The following ZFP91 variants were observed in gnomAD, a reference collection of about 807,000 sequenced individuals.
The protein encoded by ZFP91 is ZFP91 zinc finger protein, atypical E3 ubiquitin ligase, also known as E3 ubiquitin-protein ligase ZFP91.
In ZFP91, 7 loss-of-function variants were observed where a neutral mutation model predicts 63.5. The ratio of observed to expected loss-of-function variants is 0.11; its 90% CI spans 0.06 to 0.21. The LOEUF (loss-of-function observed/expected upper bound fraction) is 0.21. Among genes scored for constraint, ZFP91 ranks in the 10% least tolerant of loss-of-function variants. ZFP91 has a pLI of 1.00. For missense variants in ZFP91, 628 were observed against 736.6 expected (o/e 0.85, Z 1.71); for synonymous variants, 330 against 272.1 (o/e 1.21, Z -2.10).
At chr11:58,579,740 C>T in intron 1 of ZFP91, 118 bp downstream of exon 1, 3 of 986,484 alleles carry the variant, frequency 3.0e-6, no homozygotes, top group African/African-American at 1.7e-5. Flanking sequence ...CTGCCGGCTC[C>T]GCACGCCAGA....
At chr11:58,601,856 CAG>C (rs1855495533) in intron 2 of ZFP91, among the ~76,000 whole-genome samples, 1 of 152,106 alleles carries the variant, frequency 6.6e-6, no homozygotes, top group South Asian at 2.1e-4. Flanking sequence ...CAATTGTGGT[CAG>C]AGAGAACGTA....
chr11:58,614,220 C>A lies in ZFP91; in HGVS notation c.988-9C>A. On this transcript the variant is annotated splice_polypyrimidine_tract_variant and intron_variant, in intron 8 of 10. Coordinates refer to ENST00000316059, the MANE Select transcript of ZFP91 (RefSeq NM_053023.5). Reference sequence around the variant, plus strand: ...TTTTTTTTCGCCCCTTTCACTTTCTCTGTTTTAGCACCACATTAAATACCA... The same window carrying A: ...TTTTTTTTCGCCCCTTTCACTTTCTATGTTTTAGCACCACATTAAATACCA... 6.6e-7 allele frequency: 1 copy of A among 1,525,320 alleles called. No individual in the cohort carries two copies. The highest frequency in any genetic ancestry group is 8.8e-7 in the Non-Finnish European group (1 of 1,130,622). 94.5% of individuals were successfully genotyped at this position (1,525,320 alleles called of 1,614,324 possible). A position where few individuals can be genotyped will look rare whatever the true frequency, so the allele number is the denominator to read the frequency against.
intron 2 of ZFP91, among the ~76,000 whole-genome samples, chr11:58,585,162 A>T (rs972476468): frequency 5.3e-5 from 8 of 152,190 alleles, no homozygotes; most frequent in Non-Finnish European, 1.2e-4. Flanking sequence ...GACTGGAATG[A>T]TACACAGTAT....
chr11:58,579,465 G>A lies in ZFP91; in HGVS notation c.184G>A (p.Ala62Thr), dbSNP rs1855048801. 6.9e-7 allele frequency: 1 copy of A among 1,451,074 alleles called. No homozygotes were observed. The highest frequency in any genetic ancestry group is 9.0e-7 in the Non-Finnish European group (1 of 1,108,332). The allele number at this position is 1,451,074 out of a possible 1,614,324, so 89.9% of individuals were successfully genotyped here. Residue 62 changes from alanine to threonine, a missense_variant, in exon 1 of 11, where the codon GCC (alanine) becomes ACC (threonine). Ala to Thr is a moderately conservative substitution (Grantham distance 58). Coordinates refer to ENST00000316059, the MANE Select transcript of ZFP91 (RefSeq NM_053023.5). ...TCGGGACCGAGGCCGGGCCGCTGCG[G>A]CCGCCGCCGCCGCAGCTGTGTCCCG... Reference protein sequence around the residue: ...GGRDRGRAAAAAAAAAVSRRR... With the variant: ...GGRDRGRAAATAAAAAVSRRR...
chr11:58,613,620 A>G (rs1438843797), intron 8 of ZFP91, among the ~76,000 whole-genome samples: 2 of 152,230 alleles, frequency 1.3e-5, no homozygotes, highest in South Asian at 2.1e-4. Context: ...AAGTAAAATT[A>G]GAACTCAAAC....
rs1463937610 is a variant in ZFP91, at chr11:58,618,827, A to G, written c.*1121A>G. On this transcript the variant is annotated 3_prime_UTR_variant, in exon 11 of 11. Transcript: ENST00000316059. The stretch of plus-strand genomic sequence containing the variant: ...CTTTTTAGGGAAGAATGTTAGGTTC[A>G]TGGTAACTAGTATGCTCTTTGAGAT... 34 of 404,778 alleles carry G rather than the reference A, an allele frequency of 8.4e-5. 2 individuals carry two copies. The highest frequency in any genetic ancestry group is 5.0e-4 in the South Asian group (27 of 53,704). 25.1% of individuals were successfully genotyped at this position (404,778 alleles called of 1,614,324 possible). A position where few individuals can be genotyped will look rare whatever the true frequency, so the allele number is the denominator to read the frequency against.
intron 1 of ZFP91, among the ~76,000 whole-genome samples, chr11:58,583,163 A>G (rs1279878431): frequency 1.3e-5 from 2 of 152,116 alleles, no homozygotes; most frequent in African/African-American, 4.8e-5. Flanking sequence ...AAATTGTCAA[A>G]TTAAGACTAG....
chr11:58,579,919 C>G (rs1203292018), intron 1 of ZFP91, among the ~76,000 whole-genome samples: 1 of 152,144 alleles, frequency 6.6e-6, no homozygotes, highest in Non-Finnish European at 1.5e-5. Context: ...AGGCTCATCC[C>G]TCTTTCTGGC....
At chr11:58,616,965 T>C in intron 10 of ZFP91, 150 bp downstream of exon 10, 2 of 879,334 alleles carry the variant, frequency 2.3e-6, no homozygotes, top group Non-Finnish European at 1.7e-6. Flanking sequence ...GTTAGTAGCC[T>C]TTTTCTTAGT....
chr11:58,619,578 A>G lies in ZFP91; in HGVS notation c.*1872A>G, dbSNP rs1230138397. On this transcript the variant is annotated 3_prime_UTR_variant, in exon 11 of 11. Coordinates refer to ENST00000316059, the MANE Select transcript of ZFP91 (RefSeq NM_053023.5). ...CCAAAAAGAGGAGTAACAAAATGTCATTTCTGAAAGAGGCTTACTTTATAC... is the reference window on the plus strand; with the variant it reads ...CCAAAAAGAGGAGTAACAAAATGTCGTTTCTGAAAGAGGCTTACTTTATAC... 1 of 152,630 alleles carries G rather than the reference A, an allele frequency of 6.6e-6. No individual in the cohort carries two copies. Among genetic ancestry groups the G allele is most frequent in the African/African-American group, 2.4e-5 (1 of 41,450 alleles). 9.5% of individuals were successfully genotyped at this position (152,630 alleles called of 1,614,324 possible). A position where few individuals can be genotyped will look rare whatever the true frequency, so the allele number is the denominator to read the frequency against.
intron 2 of ZFP91, among the ~76,000 whole-genome samples, chr11:58,606,960 T>A (rs758630992): frequency 1.8e-4 from 27 of 152,132 alleles, no homozygotes; most frequent in Non-Finnish European, 3.7e-4. Context: ...TAAGACTAGA[T>A]TTTTAGGGGA....
chr11:58,612,179 T>G, intron 6 of ZFP91, 99 bp from the exon 7 acceptor site: 2 of 1,239,208 alleles, frequency 1.6e-6, no homozygotes, highest in East Asian at 4.8e-5. Flanking sequence ...CTTTGCCACT[T>G]GTTCTTTGGC....
intron 2 of ZFP91, among the ~76,000 whole-genome samples, chr11:58,596,926 G>A (rs932421413): frequency 2.6e-5 from 4 of 151,412 alleles, no homozygotes; most frequent in Non-Finnish European, 5.9e-5. Flanking sequence ...ATAGAATATC[G>A]TGTAATGAGA....
At chr11:58,599,098 A>G (rs556791632) in intron 2 of ZFP91, among the ~76,000 whole-genome samples, 2 of 152,210 alleles carry the variant, frequency 1.3e-5, no homozygotes, top group African/African-American at 4.8e-5. Context: ...ATCATATAGC[A>G]TATTTTTAAG....
intron 1 of ZFP91, among the ~76,000 whole-genome samples, chr11:58,582,806 A>G (rs1350605632): frequency 6.6e-6 from 1 of 152,178 alleles, no homozygotes; most frequent in African/African-American, 2.4e-5. Flanking sequence ...TCTTTTCACA[A>G]TGAACTATTT....
rs543328061 is a variant in ZFP91, at chr11:58,608,227, A to G, written c.371-1603A>G. ...TCTTACATATATATCTCTCTCTTAC[A>G]TATGTACACAATTATTTGTGAAACC... On this transcript the variant is annotated intron_variant, in intron 2 of 10. Coordinates refer to ENST00000316059, the MANE Select transcript of ZFP91 (RefSeq NM_053023.5). 2.1e-4 allele frequency among the ~76,000 whole-genome samples: 32 copies of G among 151,838 alleles called. No individual in the cohort carries two copies. The East Asian group carries it at 5.5e-3, about 26-fold the overall frequency.
At chr11:58,599,650 A>G (rs1236282998) in intron 2 of ZFP91, among the ~76,000 whole-genome samples, 1 of 151,984 alleles carries the variant, frequency 6.6e-6, no homozygotes, top group Non-Finnish European at 1.5e-5. Context: ...TGGAGAAATA[A>G]TCTGTTTAGG....
At chr11:58,583,216 C>T (rs1855148308) in intron 1 of ZFP91, among the ~76,000 whole-genome samples, 1 of 151,974 alleles carries the variant, frequency 6.6e-6, no homozygotes, top group South Asian at 2.1e-4. Context: ...CATGTAATAG[C>T]CCTTCATTTA....
Position 58,595,053 on chromosome 11 carries a change from G to C in ZFP91, c.370+10169G>C, listed in dbSNP as rs78967076. 9.9e-3 allele frequency among the ~76,000 whole-genome samples: 1,514 copies of C among 152,218 alleles called. 25 individuals are homozygous for C. Among genetic ancestry groups the C allele is most frequent in the African/African-American group, 0.035 (1,459 of 41,510 alleles). ...GTGCTTTCCATTTCTCGTTTATATG[G>C]TTAGGTGTGGTATAGTAGAAAGAAT... On this transcript the variant is annotated intron_variant, in intron 2 of 10. Coordinates refer to ENST00000316059, the MANE Select transcript of ZFP91 (RefSeq NM_053023.5).
Sources: allele counts gnomAD v4.1 joint callset (sites outside exome capture counted in the v4.1 genomes callset), GRCh38; gene constraint gnomAD v4.1.1; transcripts MANE v1.5; gene names NCBI Gene and HGNC (gene_info 2026-07-23, HGNC 2026-07-21).